The following XDH variants were observed in gnomAD, a reference collection of about 807,000 sequenced individuals.
XDH encodes xanthine dehydrogenase/oxidase.
Under a neutral mutation model 156.1 loss-of-function variants are expected in XDH, and 138 were observed. The observed-to-expected ratio is 0.88, with a 90% CI of 0.77 to 1.02. XDH has a LOEUF of 1.02. Among genes scored for constraint, XDH ranks in the 50% least tolerant of loss-of-function variants. The pLI is 0.00. For missense variants in XDH, 1,849 were observed against 1,684.9 expected (o/e 1.10, Z -1.71); for synonymous variants, 669 against 625.7 (o/e 1.07, Z -1.03).
chr2:31,351,921 T>C (rs1438637655), intron 24 of XDH, among the ~76,000 whole-genome samples: 1 of 152,230 alleles, frequency 6.6e-6, no homozygotes, highest in African/African-American at 2.4e-5. Context: ...AATTGTGAAA[T>C]CTTCTCTTTG....
intron 3 of XDH, among the ~76,000 whole-genome samples, chr2:31,402,803 T>A (rs1236532077): frequency 6.6e-6 from 1 of 152,188 alleles, no homozygotes; most frequent in East Asian, 1.9e-4. Flanking sequence ...CTTTATGGAA[T>A]GTGATATAAA....
chr2:31,408,131 A>G (rs1384506952), intron 1 of XDH, among the ~76,000 whole-genome samples: 1 of 151,946 alleles, frequency 6.6e-6, no homozygotes, highest in Non-Finnish European at 1.5e-5. Flanking sequence ...TATATTCCCA[A>G]TCTTCATTTT....
chr2:31,341,844 T>C (rs1476614214), intron 32 of XDH, among the ~76,000 whole-genome samples: 1 of 152,156 alleles, frequency 6.6e-6, no homozygotes, highest in African/African-American at 2.4e-5. Context: ...AAGAAGAATA[T>C]TTTGTGACAA....
At chr2:31,405,472 C>T (rs1687168717) in intron 2 of XDH, among the ~76,000 whole-genome samples, 1 of 152,110 alleles carries the variant, frequency 6.6e-6, no homozygotes. Context: ...TTACCTCACG[C>T]ATCCTTTTCC....
Position 31,375,375 on chromosome 2 carries a change from C to A in XDH, c.1602+5G>T. 1 of 1,614,186 alleles carries A rather than the reference C, an allele frequency of 6.2e-7. No individual in the cohort carries two copies. The highest frequency in any genetic ancestry group is 8.5e-7 in the Non-Finnish European group (1 of 1,180,038). On this transcript the variant is annotated splice_donor_5th_base_variant and intron_variant, in intron 15 of 35. Transcript: ENST00000379416. ...AGAGCCTGTGCCTGGCCAGGCCCCA[C>A]TCACGTCTTCCAGGTTCTCTTGGCC...
At chr2:31,358,435 C>T (rs1393672914) in intron 24 of XDH, among the ~76,000 whole-genome samples, 1 of 152,106 alleles carries the variant, frequency 6.6e-6, no homozygotes, top group South Asian at 2.1e-4. Flanking sequence ...TGACACCAAA[C>T]CCTGACCAAG....
chr2:31,337,553 C>T, intron 35 of XDH, 88 bp downstream of exon 35: 2 of 1,592,048 alleles, frequency 1.3e-6, no homozygotes, highest in Non-Finnish European at 1.7e-6. Flanking sequence ...GAGCCCAACA[C>T]CTCTCCTCTG....
At chr2:31,376,660 T>A (rs1167261174) in intron 14 of XDH, among the ~76,000 whole-genome samples, 1 of 149,840 alleles carries the variant, frequency 6.7e-6, no homozygotes, top group Admixed American at 6.7e-5. Flanking sequence ...GCAGTGATCA[T>A]AGCTGCAGTG....
At chr2:31,355,410 T>G (rs188606786) in intron 24 of XDH, among the ~76,000 whole-genome samples, 13 of 152,240 alleles carry the variant, frequency 8.5e-5, no homozygotes, top group Admixed American at 4.6e-4. Context: ...AATTGTCTGA[T>G]AGTTGAAACA....
chr2:31,342,040 C>A, intron 32 of XDH, 143 bp downstream of exon 32: 1 of 736,834 alleles, frequency 1.4e-6, no homozygotes, highest in East Asian at 2.8e-5. Flanking sequence ...TACTCTGTGG[C>A]CCTTTATAGG....
chr2:31,343,819 C>CATATAT (rs56050920), intron 31 of XDH, among the ~76,000 whole-genome samples: 9 of 149,296 alleles, frequency 6.0e-5, no homozygotes, highest in Admixed American at 2.7e-4. Context: ...ATATGCCTAA[C>CATATAT]ATATATATGT....
intron 24 of XDH, among the ~76,000 whole-genome samples, chr2:31,352,430 G>A (rs1015483583): frequency 1.3e-5 from 2 of 152,048 alleles, no homozygotes; most frequent in African/African-American, 4.8e-5. Context: ...ATGTGTCTTT[G>A]ATAATTTCAG....
At chr2:31,393,450 T>C (rs780768600) in intron 6 of XDH, among the ~76,000 whole-genome samples, 1 of 152,234 alleles carries the variant, frequency 6.6e-6, no homozygotes, top group East Asian at 1.9e-4. Flanking sequence ...TTCTTTCGAT[T>C]AGTATATCAT....
At chr2:31,379,357 G>T (rs45493094) in intron 13 of XDH, among the ~76,000 whole-genome samples, 3,782 of 152,254 alleles carry the variant, frequency 0.025, 62 homozygotes, top group Middle Eastern at 0.058. Flanking sequence ...TGAGCCACAG[G>T]CAGCTTCTTC....
rs763906993 is a variant in XDH, at chr2:31,375,506, C to T, written c.1476G>A (p.Glu492=). ...GGGCATCGGGAGGCAGATGCAGCTC[C>T]TCTGCCAGTCCTGCACACACGTCCT... ...LLQDVCAGLA[E]ELHLPPDAPG... The change falls in exon 15 of 36, where the codon GAG becomes GAA. Residue 492 remains glutamate, a synonymous_variant. Coordinates refer to ENST00000379416, the MANE Select transcript of XDH (RefSeq NM_000379.4). The T allele has an allele frequency of 1.2e-5, 19 of 1,613,952 alleles. No homozygotes were observed. Among genetic ancestry groups the T allele is most frequent in the African/African-American group, 1.1e-4 (8 of 74,930 alleles).
At chr2:31,341,254 G>C in intron 33 of XDH, 75 bp downstream of exon 33, 1 of 1,371,276 alleles carries the variant, frequency 7.3e-7, no homozygotes, top group Non-Finnish European at 1.0e-6. Context: ...ACATGTTGTG[G>C]CAGGTGGCCC....
Position 31,377,113 on chromosome 2 carries a change from T to A in XDH, c.1367A>T (p.Tyr456Phe). ...TTEVQELALC[Y>F]GGMANRTISA... ...GATGGTTCTGTTGGCCATTCCACCATAGCAAAGGGCCAGCTCCTGTACCTC... is the reference window on the plus strand; with the variant it reads ...GATGGTTCTGTTGGCCATTCCACCAAAGCAAAGGGCCAGCTCCTGTACCTC... Residue 456 changes from tyrosine to phenylalanine, a missense_variant, in exon 14 of 36, where the codon TAT becomes TTT. Transcript: ENST00000379416. 6.2e-7 allele frequency: 1 copy of A among 1,614,132 alleles called. No individual in the cohort carries two copies. Among genetic ancestry groups the A allele is most frequent in the Non-Finnish European group, 8.5e-7 (1 of 1,180,020 alleles).
chr2:31,384,951 C>T (rs1179815791), intron 9 of XDH, among the ~76,000 whole-genome samples: 1 of 152,170 alleles, frequency 6.6e-6, no homozygotes, highest in African/African-American at 2.4e-5. Flanking sequence ...GGGAGTGGCG[C>T]AGAAGGAAAT....
chr2:31,350,277 C>T, intron 24 of XDH, 54 bp from the exon 25 acceptor site: 3 of 1,596,454 alleles, frequency 1.9e-6, no homozygotes, highest in Non-Finnish European at 1.7e-6. Flanking sequence ...TGCATTGGTT[C>T]CTCAAAGTAG....
Sources: allele counts gnomAD v4.1 joint callset (sites outside exome capture counted in the v4.1 genomes callset), GRCh38; gene constraint gnomAD v4.1.1; transcripts MANE v1.5; gene names NCBI Gene and HGNC (gene_info 2026-07-23, HGNC 2026-07-21).